Variants in SORCS1 observed in about 807,000 individuals in gnomAD.
SORCS1 encodes sortilin related VPS10 domain containing receptor 1.
Under a neutral mutation model 146.1 loss-of-function variants are expected in SORCS1, and 60 were observed. The observed-to-expected ratio is 0.41, with a 90% CI of 0.33 to 0.51. SORCS1 has a LOEUF of 0.51. SORCS1 is among the 20% of genes least tolerant of loss of function. SORCS1 has a pLI of 0.21. For missense variants in SORCS1, 1,352 were observed against 1,487.6 expected, an observed-to-expected ratio of 0.91 and a Z score of 1.50; for synonymous variants, 637 against 584.0, an observed-to-expected ratio of 1.09 and a Z score of -1.31.
chr10:107,084,957 G>C (rs571869496), intron 1 of SORCS1, among the ~76,000 whole-genome samples: 1 of 152,266 alleles, frequency 6.6e-6, no homozygotes, highest in African/African-American at 2.4e-5. Context: ...ATAAACTCTA[G>C]GGCATGCAAA....
chr10:106,587,909 C>A (rs986653134), intron 24 of SORCS1, among the ~76,000 whole-genome samples: 3 of 151,886 alleles, frequency 2.0e-5, no homozygotes, highest in Non-Finnish European at 2.9e-5. Flanking sequence ...AAATATTAAC[C>A]CTTTACCATT....
At chr10:106,782,723 C>T (rs549957931) in intron 3 of SORCS1, among the ~76,000 whole-genome samples, 12 of 152,300 alleles carry the variant, frequency 7.9e-5, no homozygotes, top group Middle Eastern at 3.4e-3. Context: ...GAAACCCAAA[C>T]GTACAAACAC....
intron 10 of SORCS1, among the ~76,000 whole-genome samples, chr10:106,683,511 G>A (rs1007019915): frequency 4.6e-5 from 7 of 152,122 alleles, no homozygotes; most frequent in African/African-American, 1.4e-4. Context: ...TGTGTTTCTA[G>A]CATTGTGGAT....
chr10:106,600,560 C>T (rs977300252), intron 23 of SORCS1: 2 of 985,268 alleles, frequency 2.0e-6, no homozygotes, highest in Non-Finnish European at 2.4e-6. Flanking sequence ...AAGTGTTTAT[C>T]CTGTATTTTT....
chr10:107,122,635 G>A (rs372357076), intron 1 of SORCS1, among the ~76,000 whole-genome samples: 2 of 152,028 alleles, frequency 1.3e-5, no homozygotes, highest in Non-Finnish European at 2.9e-5. Flanking sequence ...TGATGCTGAT[G>A]GCACAATAGC....
At chr10:106,727,547 C>T (rs1856291853) in intron 6 of SORCS1, among the ~76,000 whole-genome samples, 1 of 152,156 alleles carries the variant, frequency 6.6e-6, no homozygotes, top group Non-Finnish European at 1.5e-5. Flanking sequence ...ATATGATATA[C>T]ATGGTCCCTG....
chr10:106,740,646 C>T (rs10458732), intron 5 of SORCS1, among the ~76,000 whole-genome samples: 7,393 of 152,156 alleles, frequency 0.049, 367 homozygotes, highest in East Asian at 0.25. Context: ...CATTGTTCCC[C>T]GGTGTCAATC....
chr10:107,113,528 A>C (rs1215319854), intron 1 of SORCS1, among the ~76,000 whole-genome samples: 4 of 151,878 alleles, frequency 2.6e-5, no homozygotes, highest in African/African-American at 9.7e-5. Context: ...TGTCTCTACT[A>C]AAAATACAAA....
At chr10:107,012,567 A>G (rs1159178841) in intron 1 of SORCS1, among the ~76,000 whole-genome samples, 1 of 152,204 alleles carries the variant, frequency 6.6e-6, no homozygotes, top group Non-Finnish European at 1.5e-5. Context: ...GAAGATTGAG[A>G]CATGAAGAGG....
At position 106,740,235 on chromosome 10, in the gene SORCS1, C is replaced by T. The variant is rs189927366; in HGVS notation, c.960-10121G>A. ...AGAATAATCAGAAAGTATCTTCTTC[C>T]CACACCTCAGTGAATCACCAATTAC... On this transcript the variant is annotated intron_variant, in intron 5 of 25. Transcript: ENST00000263054. Among the ~76,000 whole-genome samples the T allele has an allele frequency of 5.3e-5, 8 of 152,170 alleles. No homozygotes were observed. In the East Asian group the frequency reaches 1.5e-3, roughly 29 times the overall value.
At chr10:106,972,533 CTTT>C (rs531136280) in intron 1 of SORCS1, among the ~76,000 whole-genome samples, 3 of 146,146 alleles carry the variant, frequency 2.1e-5, no homozygotes, top group African/African-American at 7.5e-5. Context: ...TACCTTTCTT[CTTT>C]TTTTTTTTGG....
intron 4 of SORCS1, among the ~76,000 whole-genome samples, chr10:106,769,632 G>A (rs868385): frequency 0.029 from 4,431 of 151,804 alleles, 224 homozygotes; most frequent in African/African-American, 0.1. Flanking sequence ...GAGAAAGAAG[G>A]CAGAGAACTA....
At chr10:106,838,477 T>C (rs1407415016) in intron 2 of SORCS1, among the ~76,000 whole-genome samples, 1 of 152,222 alleles carries the variant, frequency 6.6e-6, no homozygotes, top group Non-Finnish European at 1.5e-5. Flanking sequence ...GGGTACATTC[T>C]TGGTGTTATA....
intron 24 of SORCS1, among the ~76,000 whole-genome samples, chr10:106,592,341 G>A (rs866207763): frequency 6.6e-6 from 1 of 152,080 alleles, no homozygotes; most frequent in Non-Finnish European, 1.5e-5. Flanking sequence ...GTGGGTGGGG[G>A]GCAGACACCA....
intron 1 of SORCS1, among the ~76,000 whole-genome samples, chr10:106,967,813 C>T (rs1452345824): frequency 6.6e-6 from 1 of 151,876 alleles, no homozygotes; most frequent in Non-Finnish European, 1.5e-5. Flanking sequence ...CACAGCTGCT[C>T]AAACACAGAA....
At chr10:106,895,067 A>T (rs1238536407) in intron 2 of SORCS1, among the ~76,000 whole-genome samples, 1 of 152,206 alleles carries the variant, frequency 6.6e-6, no homozygotes, top group Non-Finnish European at 1.5e-5. Flanking sequence ...TCAAGCTTTC[A>T]TACTGTACTC....
chr10:107,112,587 G>C lies in SORCS1; in HGVS notation c.558+51382C>G, dbSNP rs544859038. ...ATGAATGTAACTCTCTAAAGATACA[G>C]AGTGTCTGAATGGGTTAAAAAAAAT... On this transcript the variant is annotated intron_variant, in intron 1 of 25. Coordinates refer to ENST00000263054, the MANE Select transcript of SORCS1 (RefSeq NM_052918.5). Among the ~76,000 whole-genome samples the C allele has an allele frequency of 3.3e-5, 5 of 152,148 alleles. No homozygotes were observed. The East Asian group carries it at 9.6e-4, about 29-fold the overall frequency.
At chr10:106,637,140 T>C (rs1440030628) in intron 18 of SORCS1, among the ~76,000 whole-genome samples, 1 of 152,208 alleles carries the variant, frequency 6.6e-6, no homozygotes, top group Non-Finnish European at 1.5e-5. Flanking sequence ...TGTTGGACCT[T>C]CTTGTGTGAC....
intron 2 of SORCS1, among the ~76,000 whole-genome samples, chr10:106,853,248 G>A (rs998217459): frequency 2.6e-5 from 4 of 152,094 alleles, no homozygotes; most frequent in East Asian, 1.9e-4. Flanking sequence ...TATTAAATTT[G>A]TGGGTAGAAA....
Sources: allele counts gnomAD v4.1 joint callset (sites outside exome capture counted in the v4.1 genomes callset), GRCh38; gene constraint gnomAD v4.1.1; transcripts MANE v1.5; gene names NCBI Gene and HGNC (gene_info 2026-07-23, HGNC 2026-07-21).